The following LRRC1 variants were observed in gnomAD, a reference collection of about 807,000 sequenced individuals.
LRRC1 encodes the protein leucine rich repeat containing 1.
A neutral mutation model predicts 69.9 loss-of-function variants in LRRC1; 28 were observed. The observed-to-expected ratio is 0.40, with a 90% CI of 0.30 to 0.55. The LOEUF (loss-of-function observed/expected upper bound fraction) is 0.55. LRRC1 is among the 20% of genes least tolerant of loss of function. LRRC1 has a pLI of 0.47. For missense variants in LRRC1, 498 were observed against 609.0 expected (o/e 0.82, Z 1.92); for synonymous variants, 236 against 240.2 (o/e 0.98, Z 0.16).
chr6:53,920,784 C>T (rs1768716421), intron 13 of LRRC1, 23 bp downstream of exon 13: 2 of 1,613,624 alleles, frequency 1.2e-6, no homozygotes, highest in South Asian at 1.1e-5. Context: ...AGATTCTTTG[C>T]CTCTGTGGAA....
At chr6:53,858,624 C>T (rs1334221078) in intron 2 of LRRC1, among the ~76,000 whole-genome samples, 2 of 152,170 alleles carry the variant, frequency 1.3e-5, no homozygotes, top group South Asian at 2.1e-4. Flanking sequence ...CCCTTGGGAC[C>T]ATTGTTTCCA....
At chr6:53,840,927 T>TGTGTGTGTGTGCGC (rs578018808) in intron 1 of LRRC1, among the ~76,000 whole-genome samples, 2 of 132,508 alleles carry the variant, frequency 1.5e-5, no homozygotes, top group Non-Finnish European at 1.6e-5. Context: ...TGTGTGTGTG[T>TGTGTGTGTGTGCGC]GCGTGCGCGC....
At chr6:53,878,527 A>T (rs1767150107) in intron 2 of LRRC1, among the ~76,000 whole-genome samples, 1 of 152,166 alleles carries the variant, frequency 6.6e-6, no homozygotes, top group Non-Finnish European at 1.5e-5. Flanking sequence ...TGGGCAGTTG[A>T]CAATAGGGCT....
intron 2 of LRRC1, among the ~76,000 whole-genome samples, chr6:53,842,551 A>G (rs1256947950): frequency 6.6e-6 from 1 of 152,244 alleles, no homozygotes; most frequent in African/African-American, 2.4e-5. Context: ...TTCTCCAAAT[A>G]AGTTCAATCT....
intron 4 of LRRC1, among the ~76,000 whole-genome samples, chr6:53,886,138 A>G (rs1212907451): frequency 1.3e-5 from 2 of 152,230 alleles, no homozygotes; most frequent in African/African-American, 2.4e-5. Flanking sequence ...AATATTCCCA[A>G]TTATTTACAG....
chr6:53,836,796 AT>A (rs1765623792), intron 1 of LRRC1, among the ~76,000 whole-genome samples: 1 of 152,234 alleles, frequency 6.6e-6, no homozygotes, highest in African/African-American at 2.4e-5. Context: ...CAAATTACAT[AT>A]TCTGCTTCCA....
rs760089040 is a variant in LRRC1 at position 53,908,497 on chromosome 6, G to A, written c.990+4035G>A. On this transcript the variant is annotated intron_variant, in intron 10 of 13. Transcript: ENST00000370888. ...CAAAATTCTTTCAGTATAAGTTTCC[G>A]TTGTATTCTAAAATGAATTATTGAT... Among the ~76,000 whole-genome samples, 7 of 151,932 alleles carry A rather than the reference G, an allele frequency of 4.6e-5. No homozygotes were observed. In the East Asian group the frequency reaches 5.8e-4, roughly 13 times the overall value.
In LRRC1 at chr6:53,827,334, A is replaced by G. The variant is rs116299553; in HGVS notation, c.160-14776A>G. On this transcript the variant is annotated intron_variant, in intron 1 of 13. Coordinates refer to ENST00000370888, the MANE Select transcript of LRRC1 (RefSeq NM_018214.5). ...ACAAAAAAAAAAAAAAAACAGTTGA[A>G]GTAGTGTCATGTTACTTCACTAGAC... Among the ~76,000 whole-genome samples, 657 of 150,752 alleles carry G rather than the reference A, an allele frequency of 4.4e-3. 3 individuals are homozygous for G. Among genetic ancestry groups the G allele is most frequent in the African/African-American group, 0.015 (622 of 41,282 alleles).
At chr6:53,862,978 A>C (rs181652026) in intron 2 of LRRC1, among the ~76,000 whole-genome samples, 1 of 152,318 alleles carries the variant, frequency 6.6e-6, no homozygotes, top group Non-Finnish European at 1.5e-5. Flanking sequence ...AAACTGTCTT[A>C]ATCAGCCAGC....
At chr6:53,835,436 G>A (rs766077880) in intron 1 of LRRC1, among the ~76,000 whole-genome samples, 1 of 152,122 alleles carries the variant, frequency 6.6e-6, no homozygotes, top group Non-Finnish European at 1.5e-5. Flanking sequence ...AAAACAAGAG[G>A]ACCAGAGAAG....
At chr6:53,900,131 G>T (rs1274274831) in intron 8 of LRRC1, among the ~76,000 whole-genome samples, 1 of 144,496 alleles carries the variant, frequency 6.9e-6, no homozygotes, top group Non-Finnish European at 1.5e-5. Flanking sequence ...TCCGCCTCCT[G>T]GGTTCACACC....
rs1186071248 is a variant in LRRC1, at chr6:53,922,774, G to A, written c.1556G>A (p.Arg519Gln). 1.1e-5 allele frequency: 17 copies of A among 1,613,758 alleles called. No homozygotes were observed. Among genetic ancestry groups the A allele is most frequent in the Non-Finnish European group, 1.2e-5 (14 of 1,179,864 alleles). Residue 519 changes from arginine (R) to glutamine (Q), a missense_variant, in exon 14 of 14, where the codon CGA becomes CAA. Physicochemically the swap from Arg to Gln is conservative, Grantham distance 43. This residue lies in a region of LRRC1 where 162 missense variants were observed against 162.9 expected (regional missense o/e 0.99). Coordinates refer to ENST00000370888, the MANE Select transcript of LRRC1 (RefSeq NM_018214.5). The part of the protein sequence containing the change: ...NKNEVNHAID[R>Q]VTTSV ...AACGAGGTCAATCATGCCATTGACC[G>A]AGTGACCACTTCTGTGTAGAGTTTC...
chr6:53,894,674 GA>G (rs1340900092), intron 4 of LRRC1, among the ~76,000 whole-genome samples: 2 of 152,132 alleles, frequency 1.3e-5, no homozygotes, highest in East Asian at 3.9e-4. Flanking sequence ...ATTTAAAACT[GA>G]AAACAAAGCC....
intron 2 of LRRC1, among the ~76,000 whole-genome samples, chr6:53,865,693 C>T (rs546122383): frequency 6.6e-6 from 1 of 151,008 alleles, no homozygotes; most frequent in South Asian, 2.1e-4. Context: ...ATATTAGATA[C>T]TAATGACAGA....
At chr6:53,865,144 G>C (rs561200250) in intron 2 of LRRC1, among the ~76,000 whole-genome samples, 1 of 152,238 alleles carries the variant, frequency 6.6e-6, no homozygotes, top group Non-Finnish European at 1.5e-5. Context: ...TTAATCTGCT[G>C]TAATAATTCC....
At chr6:53,882,737 AGG>A (rs1432376343) in intron 3 of LRRC1, 148 bp from the exon 4 acceptor site, 5 of 554,416 alleles carry the variant, frequency 9.0e-6, no homozygotes, top group African/African-American at 2.0e-5. Flanking sequence ...TCTTATATAT[AGG>A]AAGACAAGGC....
intron 4 of LRRC1, among the ~76,000 whole-genome samples, chr6:53,892,449 T>TGTCTCTCTTGA (rs1767736276): frequency 6.6e-6 from 1 of 152,200 alleles, no homozygotes; most frequent in Non-Finnish European, 1.5e-5. Context: ...AGGTTGGGTC[T>TGTCTCTCTTGA]CCCTCTGTCT....
At chr6:53,803,423 GT>G (rs1764543668) in intron 1 of LRRC1, among the ~76,000 whole-genome samples, 1 of 152,142 alleles carries the variant, frequency 6.6e-6, no homozygotes, top group Non-Finnish European at 1.5e-5. Context: ...TCATAAGATA[GT>G]TCTGAGGGGT....
chr6:53,878,112 T>C (rs1479610855), intron 2 of LRRC1, among the ~76,000 whole-genome samples: 3 of 152,040 alleles, frequency 2.0e-5, no homozygotes, highest in Non-Finnish European at 4.4e-5. Context: ...CTCCCCCTTA[T>C]AATAACCATC....
Sources: allele counts gnomAD v4.1 joint callset (sites outside exome capture counted in the v4.1 genomes callset), GRCh38; gene constraint gnomAD v4.1.1; regional missense constraint gnomAD v4.1.1; transcripts MANE v1.5; gene names NCBI Gene and HGNC (gene_info 2026-07-23, HGNC 2026-07-21).